Variants in CADPS observed in about 807,000 individuals in gnomAD.
CADPS encodes calcium-dependent secretion activator 1.
A neutral mutation model predicts 167.3 loss-of-function variants in CADPS; 57 were observed. That is an observed-to-expected ratio of 0.34 (90% CI 0.28 to 0.42). CADPS has a LOEUF of 0.42. Among genes scored for constraint, CADPS ranks in the 20% least tolerant of loss-of-function variants. The pLI is 1.00. For synonymous variants in CADPS, 676 were observed against 635.3 expected, an observed-to-expected ratio of 1.06 and a Z score of -0.96; for missense variants, 1,414 against 1,738.1, an observed-to-expected ratio of 0.81 and a Z score of 3.32.
At chr3:62,500,452 G>C (rs192750894) in intron 17 of CADPS, 1 of 152,122 alleles carries the variant, frequency 6.6e-6, no homozygotes, top group Non-Finnish European at 1.5e-5. Context: ...CACTGTGCCC[G>C]GCCAAAACAT....
intron 3 of CADPS, among the ~76,000 whole-genome samples, chr3:62,729,597 A>T (rs918190671): frequency 6.6e-6 from 1 of 151,914 alleles, no homozygotes; most frequent in African/African-American, 2.4e-5. Flanking sequence ...TCAATTTCAC[A>T]ATCTTTAAAA....
chr3:62,760,006 C>T (rs924157605), intron 2 of CADPS, among the ~76,000 whole-genome samples: 6 of 152,110 alleles, frequency 3.9e-5, no homozygotes, highest in Admixed American at 1.3e-4. Context: ...GGGCCATGAC[C>T]TTGTGGTAGG....
intron 3 of CADPS, among the ~76,000 whole-genome samples, chr3:62,731,662 A>T (rs959461160): frequency 7.2e-5 from 11 of 152,138 alleles, no homozygotes; most frequent in African/African-American, 2.7e-4. Flanking sequence ...AATAAATTGC[A>T]ATGTGAGGTA....
At position 62,875,238 on chromosome 3, in the gene CADPS, G is replaced by A. The variant is rs2083447532; in HGVS notation, c.-209C>T. The A allele has an allele frequency of 4.4e-6, 2 of 449,674 alleles. No individual in the cohort carries two copies. Among genetic ancestry groups the A allele is most frequent in the Non-Finnish European group, 7.0e-6 (2 of 285,630 alleles). The allele number at this position is 449,674 out of a possible 1,614,324, so 27.9% of individuals were successfully genotyped here. A position where few individuals can be genotyped will look rare whatever the true frequency, so the allele number is the denominator to read the frequency against. ...GCTCAGACCCAGAAGCGCGAAGGGAGGAGGGGAAGGGAGAGGTGCGTCCGT... is the reference window on the plus strand; with the variant it reads ...GCTCAGACCCAGAAGCGCGAAGGGAAGAGGGGAAGGGAGAGGTGCGTCCGT... On this transcript the variant is annotated 5_prime_UTR_variant, in exon 1 of 30. Transcript: ENST00000383710.
At chr3:62,536,838 A>G (rs1199767717) in intron 11 of CADPS, among the ~76,000 whole-genome samples, 1 of 152,170 alleles carries the variant, frequency 6.6e-6, no homozygotes, top group Non-Finnish European at 1.5e-5. Flanking sequence ...CAGTGCATTT[A>G]TGTTGTTCTT....
intron 6 of CADPS, among the ~76,000 whole-genome samples, chr3:62,627,667 C>T (rs1430259041): frequency 6.6e-6 from 1 of 152,056 alleles, no homozygotes; most frequent in African/African-American, 2.4e-5. Context: ...ATCCACATTA[C>T]TTATGCTCAC....
intron 6 of CADPS, among the ~76,000 whole-genome samples, chr3:62,621,585 T>G (rs2063172516): frequency 1.3e-5 from 2 of 152,180 alleles, no homozygotes; most frequent in African/African-American, 2.4e-5. Context: ...AGGTGATTTT[T>G]GGGTGTTTTT....
intron 3 of CADPS, among the ~76,000 whole-genome samples, chr3:62,713,290 G>A (rs73105468): frequency 6.6e-6 from 1 of 152,116 alleles, no homozygotes; most frequent in Non-Finnish European, 1.5e-5. Context: ...CTTCCTCACT[G>A]TATTTATTTG....
At chr3:62,635,245 G>T (rs1402075631) in intron 6 of CADPS, among the ~76,000 whole-genome samples, 1 of 152,158 alleles carries the variant, frequency 6.6e-6, no homozygotes. Flanking sequence ...TGACACAGCA[G>T]GGAGAAAAAC....
At chr3:62,649,541 GTCTTTTTTTTTTT>G (rs2069492003) in intron 5 of CADPS, among the ~76,000 whole-genome samples, 1 of 75,004 alleles carries the variant, frequency 1.3e-5, no homozygotes, top group African/African-American at 4.8e-5. Flanking sequence ...ACAATATGTG[GTCTTTTTTTTTTT>G]TTTTTTTTTT....
intron 8 of CADPS, among the ~76,000 whole-genome samples, chr3:62,582,450 A>T (rs963380348): frequency 6.6e-6 from 1 of 152,154 alleles, no homozygotes; most frequent in Non-Finnish European, 1.5e-5. Flanking sequence ...CATCTCAAAA[A>T]AATTTTTCTT....
chr3:62,424,206 C>T lies in CADPS; in HGVS notation c.3777+13898G>A, dbSNP rs574143930. 7.9e-5 allele frequency among the ~76,000 whole-genome samples: 12 copies of T among 151,724 alleles called. No individual in the cohort carries two copies. The South Asian group carries it at 1.7e-3, about 21-fold the overall frequency. On this transcript the variant is annotated intron_variant, in intron 28 of 29. Transcript: ENST00000383710. Reference sequence around the variant, plus strand: ...GATAATTCACTTTTTTTTTTTGAGACGGAGTCTCACTCTGTCACCCAGGTT... The same window carrying T: ...GATAATTCACTTTTTTTTTTTGAGATGGAGTCTCACTCTGTCACCCAGGTT...
At chr3:62,748,343 T>TTAAAAAAAAAA (rs1564621720) in intron 3 of CADPS, among the ~76,000 whole-genome samples, 1 of 9,078 alleles carries the variant, frequency 1.1e-4, no homozygotes, top group Non-Finnish European at 2.0e-4. Context: ...AGACTCCGTC[T>TTAAAAAAAAAA]CAAAAAAAAA....
intron 1 of CADPS, among the ~76,000 whole-genome samples, chr3:62,812,843 C>G (rs1379385274): frequency 6.6e-6 from 1 of 152,112 alleles, no homozygotes. Context: ...ATGTGTAAGA[C>G]CCTTTTAGTT....
chr3:62,494,716 G>A (rs1434908485), intron 18 of CADPS, among the ~76,000 whole-genome samples: 2 of 116,930 alleles, frequency 1.7e-5, no homozygotes, highest in African/African-American at 6.8e-5. Flanking sequence ...TACCCAGGCT[G>A]GAGTGCAATG....
At chr3:62,436,360 G>A (rs780103522) in intron 28 of CADPS, among the ~76,000 whole-genome samples, 1 of 151,992 alleles carries the variant, frequency 6.6e-6, no homozygotes, top group Non-Finnish European at 1.5e-5. Flanking sequence ...ACTGAGAATC[G>A]GAAGATACTG....
intron 3 of CADPS, among the ~76,000 whole-genome samples, chr3:62,702,850 T>C (rs988073231): frequency 2.0e-5 from 3 of 152,136 alleles, no homozygotes; most frequent in Non-Finnish European, 2.9e-5. Flanking sequence ...CAGAGTTCTA[T>C]AGTTAAGCAC....
chr3:62,437,193 G>A (rs764654214), intron 28 of CADPS, among the ~76,000 whole-genome samples: 41 of 152,132 alleles, frequency 2.7e-4, no homozygotes, highest in Non-Finnish European at 4.9e-4. Context: ...GAGCCACAGG[G>A]AGACAAGAAC....
chr3:62,818,608 C>G (rs996148988), intron 1 of CADPS, among the ~76,000 whole-genome samples: 1 of 152,186 alleles, frequency 6.6e-6, no homozygotes, highest in Non-Finnish European at 1.5e-5. Flanking sequence ...AGCACAACCA[C>G]TTTACTTTGC....
Sources: gnomAD v4.1 joint callset for allele counts (sites outside exome capture counted in the v4.1 genomes callset) on GRCh38, gnomAD v4.1.1 for gene constraint, MANE v1.5 for transcripts, NCBI Gene and HGNC (gene_info 2026-07-23, HGNC 2026-07-21) for gene names.